Variants in CCDC136 observed in about 807,000 individuals in gnomAD.
CCDC136 encodes coiled-coil domain containing 136.
A neutral mutation model predicts 141.2 loss-of-function variants in CCDC136; 100 were observed. The ratio of observed to expected loss-of-function variants is 0.71; its 90% CI spans 0.60 to 0.84. CCDC136 has a LOEUF of 0.84. Ranked by LOEUF, CCDC136 falls within the 40% of genes least tolerant of loss-of-function variation. CCDC136 has a pLI of 0.00. For synonymous variants in CCDC136, 474 were observed against 531.9 expected (o/e 0.89, Z 1.50); for missense variants, 1,206 against 1,379.4 (o/e 0.87, Z 1.99).
intron 17 of CCDC136, among the ~76,000 whole-genome samples, chr7:128,818,867 C>A (rs746346784): frequency 6.6e-6 from 1 of 152,166 alleles, no homozygotes; most frequent in East Asian, 1.9e-4. Context: ...TTCCCTGCCT[C>A]CCCCTCCACT....
chr7:128,817,775 TC>T lies in CCDC136; in HGVS notation c.3387del (p.Ile1130SerfsTer7), dbSNP rs751590709. ...ESKKSSPTPN[P>X]PIFSLPLVGL... is the part of the protein sequence containing the mutation. The stretch of plus-strand genomic sequence containing the variant: ...TGTTGCAGTCATCCCCTACCCCCAA[TC>T]CCCCCATCTTCTCCTTGCCTCTTGT... On this transcript the variant is annotated frameshift_variant, in exon 17 of 18. Coordinates refer to ENST00000297788, the MANE Select transcript of CCDC136 (RefSeq NM_022742.5). LOFTEE classifies it high-confidence loss of function. This position sits in a 1 kb window ranked among gnomAD's most constrained non-coding sequence, Gnocchi z 4.6. The T allele has an allele frequency of 1.2e-6, 2 of 1,613,054 alleles. No individual in the cohort carries two copies. Among genetic ancestry groups the T allele is most frequent in the East Asian group, 2.2e-5 (1 of 44,834 alleles).
At position 128,817,788 on chromosome 7, in the gene CCDC136, T is replaced by G. The variant is rs1806869181; in HGVS notation, c.3394T>G (p.Ser1132Ala). 1 of 1,613,884 alleles carries G rather than the reference T, an allele frequency of 6.2e-7. No individual in the cohort carries two copies. Among genetic ancestry groups the G allele is most frequent in the Non-Finnish European group, 8.5e-7 (1 of 1,179,858 alleles). ...CCCTACCCCCAATCCCCCCATCTTC[T>G]CCTTGCCTCTTGTAGGCCTGGTGGT... ...SSPTPNPPIF[S>A]LPLVGLVVIS... Residue 1132 changes from serine (S) to alanine (A), a missense_variant, in exon 17 of 18, where the codon TCC (serine) becomes GCC (alanine). Ser to Ala is a moderately conservative substitution (Grantham distance 99). Transcript: ENST00000297788. This position sits in a 1 kb window ranked among gnomAD's most constrained non-coding sequence, Gnocchi z 4.6.
At chr7:128,800,030 CAT>C (rs1803756805) in intron 3 of CCDC136, among the ~76,000 whole-genome samples, 1 of 152,202 alleles carries the variant, frequency 6.6e-6, no homozygotes, top group South Asian at 2.1e-4. Flanking sequence ...AACCTTACCA[CAT>C]GTTATCCCAT....
At chr7:128,819,175 G>A (rs774568295) in intron 17 of CCDC136, among the ~76,000 whole-genome samples, 2 of 152,226 alleles carry the variant, frequency 1.3e-5, no homozygotes, top group African/African-American at 2.4e-5. Context: ...TTCAGCCACA[G>A]CCTTCCACTA....
chr7:128,807,638 C>A, intron 10 of CCDC136, 93 bp downstream of exon 10: 2 of 766,438 alleles, frequency 2.6e-6, no homozygotes, highest in Non-Finnish European at 3.8e-6. Context: ...AACCCAAGGG[C>A]TTGATGGCCT....
Position 128,809,657 on chromosome 7 carries a change from C to T in CCDC136, c.1800+13C>T. ...CCTCTTACTCAAGGTAACTCTGCCA[C>T]AGGCAGCTGCTAACTGCGGGGAAGC... On this transcript the variant is annotated intron_variant, in intron 11 of 17. Transcript: ENST00000297788. 1 of 1,490,536 alleles carries T rather than the reference C, an allele frequency of 6.7e-7. No homozygotes were observed. Among genetic ancestry groups the T allele is most frequent in the African/African-American group, 1.4e-5 (1 of 71,372 alleles). The allele number at this position is 1,490,536 out of a possible 1,614,324, so 92.3% of individuals were successfully genotyped here. A position where few individuals can be genotyped will look rare whatever the true frequency, so the allele number is the denominator to read the frequency against.
rs573526005 is a variant in CCDC136, at chr7:128,812,791, C to T, written c.2625C>T (p.Ser875=). The T allele has an allele frequency of 1.2e-6, 2 of 1,613,440 alleles. No homozygotes were observed. The highest frequency in any genetic ancestry group is 1.3e-5 in the African/African-American group (1 of 74,898). The stretch of plus-strand genomic sequence containing the variant: ...ACCAGATAAGCCAGGAGGAACACAG[C>T]CAGCTGCAAGAGCAGATGGAAAAGT... The part of the protein sequence containing the change: ...AMYQISQEEH[S]QLQEQMEKLL... Residue 875 remains serine, a synonymous_variant, in exon 14 of 18, where the codon AGC becomes AGT. Coordinates refer to ENST00000297788, the MANE Select transcript of CCDC136 (RefSeq NM_022742.5).
chr7:128,791,583 G>A, upstream of CCDC136: 1 of 1,226,214 alleles, frequency 8.2e-7, no homozygotes, highest in Non-Finnish European at 1.0e-6. The surrounding 1 kb of genome is among the most constrained non-coding windows in gnomAD (Gnocchi z 7.1). Flanking sequence ...CCTGTCTACC[G>A]CCCCTCCTTT....
intron 3 of CCDC136, among the ~76,000 whole-genome samples, chr7:128,799,392 A>G (rs1803634072): frequency 6.6e-6 from 1 of 151,938 alleles, no homozygotes; most frequent in Non-Finnish European, 1.5e-5. Flanking sequence ...TTCTGTACAC[A>G]TAAGAGATAC....
intron 13 of CCDC136, among the ~76,000 whole-genome samples, 190 bp downstream of exon 13, chr7:128,812,502 T>C (rs60389668): frequency 6.6e-6 from 1 of 151,842 alleles, no homozygotes; most frequent in South Asian, 2.1e-4. Context: ...ATAGAGAGAA[T>C]CCCCCATCTG....
At chr7:128,791,864 G>C (rs1046810968), upstream of CCDC136, 5 of 396,256 alleles carry the variant, frequency 1.3e-5, no homozygotes, top group Non-Finnish European at 1.7e-5. The surrounding 1 kb of genome is among the most constrained non-coding windows in gnomAD (Gnocchi z 7.1). Context: ...TCCTGAGCGC[G>C]GGGCGAGGGT....
intron 4 of CCDC136, among the ~76,000 whole-genome samples, chr7:128,802,962 A>G (rs1804270932): frequency 6.6e-6 from 1 of 152,244 alleles, no homozygotes; most frequent in Non-Finnish European, 1.5e-5. Flanking sequence ...GCGCATGGTT[A>G]GTTTTCATTA....
chr7:128,806,831 G>C lies in CCDC136; in HGVS notation c.1392G>C (p.Val464=). 1 of 1,611,422 alleles carries C rather than the reference G, an allele frequency of 6.2e-7. No individual in the cohort carries two copies. Residue 464 remains valine (V), a synonymous_variant, in exon 9 of 18, where the codon GTG becomes GTC. Coordinates refer to ENST00000297788, the MANE Select transcript of CCDC136 (RefSeq NM_022742.5). The part of the protein sequence containing the change: ...EAELQHLRDT[V]ASFKESNEKD... ...AGCTGCAGCACCTCAGGGATACGGT[G>C]GCCTCCTTCAAAGAGAGCAATGAGA... is the stretch of plus-strand genomic sequence containing the variant.
chr7:128,796,740 T>TATATATATATATATATATATA (rs61079649), intron 3 of CCDC136, among the ~76,000 whole-genome samples: 50 of 124,632 alleles, frequency 4.0e-4, no homozygotes, highest in East Asian at 1.2e-3. Flanking sequence ...TATATATATA[T>TATATATATATATATATATATA]TCTTTTTTTT....
chr7:128,801,554 G>A, intron 4 of CCDC136, 45 bp downstream of exon 4: 1 of 1,330,838 alleles, frequency 7.5e-7, no homozygotes, highest in South Asian at 1.4e-5. Flanking sequence ...GCAGAGGAAA[G>A]GAGATAATAT....
At chr7:128,793,768 C>G (rs1480098483) in intron 1 of CCDC136, among the ~76,000 whole-genome samples, 1 of 152,130 alleles carries the variant, frequency 6.6e-6, no homozygotes, top group South Asian at 2.1e-4. Context: ...TACTACCACG[C>G]CCAGCTAATT....
In CCDC136 at chr7:128,806,329, A is replaced by G. The variant is rs778825957; in HGVS notation, c.1182A>G (p.Gln394=). ...ACGAGCTCTTGAAGATGCAGCTGCAACTTCAGACTGAGCTCCGGCAGCTCA... is the reference window on the plus strand; with the variant it reads ...ACGAGCTCTTGAAGATGCAGCTGCAGCTTCAGACTGAGCTCCGGCAGCTCA... ...EQNELLKMQL[Q]LQTELRQLKV... The change falls in exon 8 of 18, where the codon CAA becomes CAG. Residue 394 remains glutamine, a synonymous_variant. Transcript: ENST00000297788. The G allele has an allele frequency of 2.1e-5, 33 of 1,599,416 alleles. 2 individuals are homozygous for G. In the South Asian group the frequency reaches 3.6e-4, roughly 18 times the overall value.
rs575066450 is a variant in CCDC136, at chr7:128,810,058, G to A, written c.1801-81G>A. On this transcript the variant is annotated intron_variant, in intron 11 of 17. Transcript: ENST00000297788. ...GATTCTTCAGGGAATTGTTCACAAC[G>A]GGGATGAGGCACCAAGGAGGCATCA... 892 of 818,720 alleles carry A rather than the reference G, an allele frequency of 1.1e-3. 1 individual carries two copies. The highest frequency in any genetic ancestry group is 1.5e-3 in the Non-Finnish European group (787 of 515,988). 50.7% of individuals were successfully genotyped at this position (818,720 alleles called of 1,614,324 possible).
At chr7:128,798,196 C>T (rs1038826459) in intron 3 of CCDC136, among the ~76,000 whole-genome samples, 5 of 148,004 alleles carry the variant, frequency 3.4e-5, no homozygotes, top group African/African-American at 1.0e-4. Flanking sequence ...GGATTAAAGG[C>T]GTGAGCCACC....
Sources: gnomAD v4.1 joint callset for allele counts (sites outside exome capture counted in the v4.1 genomes callset) on GRCh38, gnomAD v4.1.1 for gene constraint, Gnocchi (gnomAD v3.1) non-coding constraint, MANE v1.5 for transcripts, NCBI Gene and HGNC (gene_info 2026-07-23, HGNC 2026-07-21) for gene names.